KIAA1328: variants seen among roughly 807,000 people sequenced by gnomAD.
KIAA1328 encodes the protein protein hinderin.
KIAA1328 carries 52 observed loss-of-function variants against 68.1 expected under a neutral mutation model. The observed-to-expected ratio is 0.76, with a 90% CI of 0.61 to 0.96. KIAA1328 has a LOEUF of 0.96. KIAA1328 is among the 40% of genes least tolerant of loss of function. KIAA1328 has a pLI of 0.00. For synonymous variants in KIAA1328, 232 were observed against 239.4 expected, an observed-to-expected ratio of 0.97 and a Z score of 0.28; for missense variants, 641 against 677.6, an observed-to-expected ratio of 0.95 and a Z score of 0.60.
rs1260760718 is a variant in KIAA1328, at chr18:37,067,078, C to G, written c.765C>G (p.Pro255=). 2 of 1,613,836 alleles carry G rather than the reference C, an allele frequency of 1.2e-6. No individual in the cohort carries two copies. Among genetic ancestry groups the G allele is most frequent in the South Asian group, 2.2e-5 (2 of 91,080 alleles). ...NSLKPVTLHH[P]KDDLDKIPSE... ...TGAAACCAGTAACCCTTCATCATCC[C>G]AAAGATGATCTAGATAAGATACCAT... The change falls in exon 7 of 10, where the codon CCC becomes CCG. Residue 255 remains proline (P), a synonymous_variant. Transcript: ENST00000280020.
Position 36,829,196 on chromosome 18 carries a change from T to G in KIAA1328, c.58T>G (p.Phe20Val), listed in dbSNP as rs1399552378. The change falls in exon 1 of 10, where the codon TTT becomes GTT. Residue 20 changes from phenylalanine (F) to valine (V), a missense_variant and splice_region_variant. Coordinates refer to ENST00000280020, the MANE Select transcript of KIAA1328 (RefSeq NM_020776.3). ...TGCCGCGGCGTTCTGGAGCCGGGAC[T>G]GTATCCTTTGCCCGCCTGACAGGGG... ...PSAAAFWSRD[F>V]SDEEQSVVYV... 6.5e-7 allele frequency: 1 copy of G among 1,527,300 alleles called. No individual in the cohort carries two copies. The allele number at this position is 1,527,300 out of a possible 1,614,324, so 94.6% of individuals were successfully genotyped here. A position where few individuals can be genotyped will look rare whatever the true frequency, so the allele number is the denominator to read the frequency against.
intron 9 of KIAA1328, among the ~76,000 whole-genome samples, chr18:37,177,577 T>G (rs1174991358): frequency 6.6e-6 from 1 of 152,190 alleles, no homozygotes. Flanking sequence ...GGAACTGGAA[T>G]TAGCCTGTTT....
Position 36,829,238 on chromosome 18 carries a change from C to G in KIAA1328, c.58+42C>G, listed in dbSNP as rs964795100. On this transcript the variant is annotated intron_variant, in intron 1 of 9. Transcript: ENST00000280020. ...TGACAGGGGGCGCCGGCGCCCTCCA[C>G]GGGACGGCGAGGGGCGAGCCGTCGC... 8.1e-6 allele frequency: 12 copies of G among 1,483,380 alleles called. No individual in the cohort carries two copies. The African/African-American group carries it at 1.2e-4, about 14-fold the overall frequency. The allele number at this position is 1,483,380 out of a possible 1,614,324, so 91.9% of individuals were successfully genotyped here.
intron 7 of KIAA1328, among the ~76,000 whole-genome samples, chr18:37,111,747 G>A (rs1365797430): frequency 6.6e-6 from 1 of 152,176 alleles, no homozygotes; most frequent in Admixed American, 6.5e-5. Context: ...GGAAGCACAA[G>A]GGGTCGGGGA....
chr18:37,199,805 G>A (rs1391017984), intron 9 of KIAA1328, among the ~76,000 whole-genome samples: 1 of 152,114 alleles, frequency 6.6e-6, no homozygotes, highest in Admixed American at 6.5e-5. Context: ...GTATGAGATG[G>A]CATCTCATTG....
At chr18:37,198,681 A>T (rs967139121) in intron 9 of KIAA1328, among the ~76,000 whole-genome samples, 6 of 152,220 alleles carry the variant, frequency 3.9e-5, no homozygotes, top group African/African-American at 1.4e-4. Flanking sequence ...TAAGAGAAGG[A>T]TCATGTCCTT....
intron 6 of KIAA1328, among the ~76,000 whole-genome samples, chr18:36,977,265 T>A (rs9304166): frequency 0.73 from 111,378 of 152,094 alleles, 43,929 homozygotes; most frequent in South Asian, 0.88. Context: ...AGGTAATCCT[T>A]TTCTCATTGG....
intron 6 of KIAA1328, among the ~76,000 whole-genome samples, chr18:37,047,998 A>C (rs2055543175): frequency 6.6e-6 from 1 of 152,196 alleles, no homozygotes; most frequent in South Asian, 2.1e-4. Flanking sequence ...AATGCTGGCC[A>C]AATATACAAG....
intron 6 of KIAA1328, among the ~76,000 whole-genome samples, chr18:36,966,259 A>G (rs1471479670): frequency 1.3e-5 from 2 of 152,222 alleles, no homozygotes; most frequent in African/African-American, 4.8e-5. Flanking sequence ...AATAAATACT[A>G]ATAGAAGTCT....
chr18:37,116,089 G>C (rs2058097933), intron 7 of KIAA1328, among the ~76,000 whole-genome samples: 1 of 152,064 alleles, frequency 6.6e-6, no homozygotes, highest in Non-Finnish European at 1.5e-5. Flanking sequence ...TACTGCCCAA[G>C]GCAATTTATA....
At chr18:37,060,966 T>G (rs1891854456) in intron 6 of KIAA1328, among the ~76,000 whole-genome samples, 1 of 151,984 alleles carries the variant, frequency 6.6e-6, no homozygotes, top group Non-Finnish European at 1.5e-5. Flanking sequence ...AATAGAAAAA[T>G]TAGCCGGCCA....
chr18:36,867,393 G>A (rs890698840), intron 4 of KIAA1328, among the ~76,000 whole-genome samples: 4 of 152,170 alleles, frequency 2.6e-5, no homozygotes, highest in Admixed American at 6.5e-5. Context: ...TGCCAGCACT[G>A]TATTTTCTGT....
chr18:37,124,812 T>C (rs747787652), intron 7 of KIAA1328, among the ~76,000 whole-genome samples: 4 of 152,182 alleles, frequency 2.6e-5, no homozygotes, highest in Non-Finnish European at 4.4e-5. Context: ...TAGTTTCCTC[T>C]GCCTGGAATG....
chr18:36,892,807 G>A (rs2151005349), intron 5 of KIAA1328, among the ~76,000 whole-genome samples: 1 of 152,222 alleles, frequency 6.6e-6, no homozygotes, highest in African/African-American at 2.4e-5. Context: ...AGAAAGAACT[G>A]ATTGTTACTT....
Position 37,145,511 on chromosome 18 carries a change from G to A in KIAA1328, c.1233-14689G>A, listed in dbSNP as rs1209169885. ...TTCTTCTTTAGCCTGCTGAATTCAGGGGGTTTATTTTTTGGTACTATCAAC... is the reference window on the plus strand; with the variant it reads ...TTCTTCTTTAGCCTGCTGAATTCAGAGGGTTTATTTTTTGGTACTATCAAC... On this transcript the variant is annotated intron_variant, in intron 7 of 9. Transcript: ENST00000280020. Among the ~76,000 whole-genome samples the A allele has an allele frequency of 2.0e-5, 3 of 152,054 alleles. No individual in the cohort carries two copies. The East Asian group carries it at 5.8e-4, about 29-fold the overall frequency.
At chr18:36,969,836 A>G (rs2052105872) in intron 6 of KIAA1328, among the ~76,000 whole-genome samples, 1 of 152,026 alleles carries the variant, frequency 6.6e-6, no homozygotes, top group African/African-American at 2.4e-5. Context: ...AACAAAAAAA[A>G]TCCCAGGACT....
chr18:36,988,622 A>C (rs560586939), intron 6 of KIAA1328, among the ~76,000 whole-genome samples: 2 of 152,324 alleles, frequency 1.3e-5, no homozygotes, highest in Non-Finnish European at 2.9e-5. Flanking sequence ...AGGGCTTGCT[A>C]TTTAGTGAAC....
chr18:37,080,170 C>G (rs1266547595), intron 7 of KIAA1328, among the ~76,000 whole-genome samples: 1 of 152,140 alleles, frequency 6.6e-6, no homozygotes, highest in Non-Finnish European at 1.5e-5. Context: ...TGGAAAACTA[C>G]TCACATAAAA....
intron 4 of KIAA1328, among the ~76,000 whole-genome samples, chr18:36,867,441 C>A (rs1428261248): frequency 1.3e-5 from 2 of 152,212 alleles, no homozygotes; most frequent in African/African-American, 4.8e-5. Flanking sequence ...CACCTCTTTT[C>A]TTATACATTA....
Sources: allele counts gnomAD v4.1 joint callset (sites outside exome capture counted in the v4.1 genomes callset), GRCh38; gene constraint gnomAD v4.1.1; transcripts MANE v1.5; gene names NCBI Gene and HGNC (gene_info 2026-07-23, HGNC 2026-07-21).